The following MADD variants were observed in gnomAD, a reference collection of about 807,000 sequenced individuals.
MADD encodes the protein MAP kinase activating death domain, also known as MAP kinase-activating death domain protein.
MADD carries 109 observed loss-of-function variants against 176.7 expected under a neutral mutation model. That is an observed-to-expected ratio of 0.62 (90% CI 0.53 to 0.72). The LOEUF (loss-of-function observed/expected upper bound fraction) is 0.72. MADD is among the 30% of genes least tolerant of loss of function. The pLI, the probability that MADD is intolerant of heterozygous loss-of-function variation, is 0.00. For synonymous variants in MADD, 771 were observed against 771.3 expected, an observed-to-expected ratio of 1.00 and a Z score of 0.01; for missense variants, 1,914 against 2,045.5, an observed-to-expected ratio of 0.94 and a Z score of 1.24.
At chr11:47,282,490 T>C in exon 9 of MADD, 1 of 1,614,186 alleles carries the variant, frequency 6.2e-7, no homozygotes, top group Middle Eastern at 1.6e-4. Flanking sequence ...TCAAGCTGGC[T>C]CCTTTCTAGC....
chr11:47,310,274 C>A (rs1013464183), intron 25 of MADD, among the ~76,000 whole-genome samples: 1 of 151,826 alleles, frequency 6.6e-6, no homozygotes, highest in Non-Finnish European at 1.5e-5. Flanking sequence ...CTCTGCCTCC[C>A]GGGTTCAAGC....
chr11:47,298,818 A>G (rs2075283104), intron 22 of MADD, among the ~76,000 whole-genome samples: 1 of 152,168 alleles, frequency 6.6e-6, no homozygotes, highest in Non-Finnish European at 1.5e-5. Context: ...TGGGTCTTAC[A>G]GTTAAGTCTT....
At chr11:47,308,767 CTG>C in intron 23 of MADD, 68 bp downstream of exon 25, 1 of 1,306,508 alleles carries the variant, frequency 7.7e-7, no homozygotes, top group Non-Finnish European at 1.1e-6. Context: ...GAGGGTCACA[CTG>C]AACAAGTAGC....
chr11:47,276,566 C>A, intron 4 of MADD, 166 bp from the exon 5 acceptor site: 1 of 731,338 alleles, frequency 1.4e-6, no homozygotes, highest in Middle Eastern at 3.4e-4. Context: ...CACCATTGTG[C>A]CTGGATTGGG....
At chr11:47,306,595 G>T (rs1378657787) in intron 22 of MADD, among the ~76,000 whole-genome samples, 1 of 151,990 alleles carries the variant, frequency 6.6e-6, no homozygotes, top group Non-Finnish European at 1.5e-5. Context: ...CTTGCTGTGG[G>T]GAGAAGTTCC....
intron 22 of MADD, among the ~76,000 whole-genome samples, chr11:47,301,117 A>G (rs1299099880): frequency 6.8e-6 from 1 of 147,768 alleles, no homozygotes; most frequent in Non-Finnish European, 1.5e-5. Flanking sequence ...TTGATTATTA[A>G]TTTATTTATT....
chr11:47,327,798 C>A (rs1348316490), intron 31 of MADD: 1 of 985,330 alleles, frequency 1.0e-6, no homozygotes, highest in African/African-American at 1.7e-5. Context: ...CTCCTCCTGC[C>A]TTTTCTGGCC....
intron 5 of MADD, among the ~76,000 whole-genome samples, chr11:47,277,748 C>A (rs1437868858): frequency 6.6e-6 from 1 of 152,168 alleles, no homozygotes; most frequent in Admixed American, 6.5e-5. Flanking sequence ...GAGATGGCTA[C>A]AGGCTGGACA....
intron 16 of MADD, 51 bp from the exon 18 acceptor site, chr11:47,289,816 G>T (rs10838686): frequency 0.21 from 329,954 of 1,590,748 alleles, 41,004 homozygotes; most frequent in East Asian, 0.6. Context: ...AAGGTGGGGG[G>T]TGCTCTGCAA....
At chr11:47,327,020 C>T (rs1404810346) in intron 31 of MADD, 3 of 1,320,422 alleles carry the variant, frequency 2.3e-6, no homozygotes, top group African/African-American at 1.5e-5. Flanking sequence ...GCAAATGGGG[C>T]CTCAGGTGGG....
Position 47,290,071 on chromosome 11 carries a change from G to A in MADD, c.2943+18G>A, listed in dbSNP as rs1468775905. ...CGGATGTGGTCAGTGTTGGGGGTAG[G>A]GAATCGGAGTAACTGGAGAGAGGGA... is the stretch of plus-strand genomic sequence containing the variant. On this transcript the variant is annotated intron_variant, in intron 17 of 32. Transcript: ENST00000402192. 6.2e-7 allele frequency: 1 copy of A among 1,612,670 alleles called. No individual in the cohort carries two copies. The highest frequency in any genetic ancestry group is 8.5e-7 in the Non-Finnish European group (1 of 1,178,784).
chr11:47,300,710 CTAGT>C (rs1222088113), intron 22 of MADD, among the ~76,000 whole-genome samples: 1 of 152,014 alleles, frequency 6.6e-6, no homozygotes, highest in African/African-American at 2.4e-5. Flanking sequence ...GTTGGCCAGG[CTAGT>C]CTTGAACTCC....
intron 22 of MADD, among the ~76,000 whole-genome samples, chr11:47,297,523 G>A (rs536372076): frequency 4.1e-5 from 6 of 145,310 alleles, no homozygotes; most frequent in East Asian, 2.1e-4. Flanking sequence ...CTCGGCTCAC[G>A]GCAAGCTCCG....
intron 22 of MADD, among the ~76,000 whole-genome samples, chr11:47,307,079 C>CTTT (rs3070459): frequency 0.013 from 1,899 of 143,980 alleles, 31 homozygotes; most frequent in South Asian, 0.034. Context: ...GATTTTTATA[C>CTTT]TTTTTTTTTT....
In MADD at chr11:47,325,457, C is replaced by A. The variant is rs1434413592; in HGVS notation, c.4542+880C>A. On this transcript the variant is annotated intron_variant, in intron 30 of 32. Transcript: ENST00000402192. This position sits in a 1 kb window ranked among gnomAD's most constrained non-coding sequence, Gnocchi z 4.5. ...AGCCCCACAGACCCTGGCCAGGCCG[C>A]AGACCCTCAGGGGAGGTGGATGCCT... Among the ~76,000 whole-genome samples the A allele has an allele frequency of 6.6e-6, 1 of 152,210 alleles. No individual in the cohort carries two copies. The highest frequency in any genetic ancestry group is 2.4e-5 in the African/African-American group (1 of 41,454).
chr11:47,313,338 G>A (rs999988704), intron 26 of MADD, among the ~76,000 whole-genome samples: 88 of 149,990 alleles, frequency 5.9e-4, no homozygotes, highest in African/African-American at 2.0e-3. Flanking sequence ...ACGGAGTCTC[G>A]CTCTGTGGCC....
intron 4 of MADD, among the ~76,000 whole-genome samples, chr11:47,276,531 T>C (rs572739935): frequency 5.3e-5 from 8 of 152,176 alleles, no homozygotes; most frequent in Admixed American, 1.3e-4. Context: ...AGGGAGTGAT[T>C]TGCATATCTC....
chr11:47,324,663 G>A, intron 30 of MADD, 86 bp downstream of exon 33: 1 of 894,610 alleles, frequency 1.1e-6, no homozygotes, highest in Non-Finnish European at 1.8e-6. Context: ...TCCCCAGCAA[G>A]CATGAGAGAG....
intron 19 of MADD, among the ~76,000 whole-genome samples, chr11:47,292,293 C>T (rs2065984497): frequency 6.6e-6 from 1 of 152,174 alleles, no homozygotes; most frequent in South Asian, 2.1e-4. Context: ...CCAGCTCTAA[C>T]ATTCTGCAGG....
Sources: allele counts gnomAD v4.1 joint callset (sites outside exome capture counted in the v4.1 genomes callset), GRCh38; gene constraint gnomAD v4.1.1; non-coding constraint Gnocchi (gnomAD v3.1); transcripts MANE v1.5; gene names NCBI Gene and HGNC (gene_info 2026-07-23, HGNC 2026-07-21).